VPS35L: variants seen among roughly 807,000 people sequenced by gnomAD.
VPS35L encodes VPS35 endosomal protein sorting factor like, also known as VPS35 endosomal protein-sorting factor-like.
A neutral mutation model predicts 133.0 loss-of-function variants in VPS35L; 83 were observed. That is an observed-to-expected ratio of 0.62 (90% CI 0.52 to 0.75). The LOEUF (loss-of-function observed/expected upper bound fraction) is 0.75, where lower values mean the gene tolerates loss of function less well. VPS35L is among the 30% of genes least tolerant of loss of function. The pLI is 0.00. For missense variants in VPS35L, 1,083 were observed against 1,206.8 expected, an observed-to-expected ratio of 0.90 and a Z score of 1.52; for synonymous variants, 423 against 449.9, an observed-to-expected ratio of 0.94 and a Z score of 0.76.
At position 19,635,966 on chromosome 16, in the gene VPS35L, T is replaced by C. The variant is rs528238397; in HGVS notation, c.1636-1628T>C. Among the ~76,000 whole-genome samples the C allele has an allele frequency of 2.6e-5, 4 of 152,310 alleles. No individual in the cohort carries two copies. In the East Asian group the frequency reaches 5.8e-4, roughly 22 times the overall value. On this transcript the variant is annotated intron_variant, in intron 19 of 30. Coordinates refer to ENST00000417362, the MANE Select transcript of VPS35L (RefSeq NM_020314.7). ...TGGGAAGCCAAGATGGGCGGATTGCTTGAGCCCAGGAGTTCAAGACCAGCC... is the reference window on the plus strand; with the variant it reads ...TGGGAAGCCAAGATGGGCGGATTGCCTGAGCCCAGGAGTTCAAGACCAGCC...
intron 26 of VPS35L, among the ~76,000 whole-genome samples, chr16:19,663,888 C>T (rs998581257): frequency 2.6e-5 from 4 of 151,962 alleles, no homozygotes; most frequent in Non-Finnish European, 5.9e-5. Flanking sequence ...CTGCATCTCA[C>T]CCTTTCCCGC....
At chr16:19,577,001 C>T (rs1971561492) in intron 5 of VPS35L, among the ~76,000 whole-genome samples, 1 of 152,160 alleles carries the variant, frequency 6.6e-6, no homozygotes, top group South Asian at 2.1e-4. Context: ...GCTACCACGC[C>T]CAGCTTGTTA....
intron 26 of VPS35L, among the ~76,000 whole-genome samples, chr16:19,660,924 C>G (rs537354437): frequency 6.6e-6 from 1 of 152,210 alleles, no homozygotes; most frequent in East Asian, 1.9e-4. Flanking sequence ...TCTCCCCACC[C>G]CACCCCCAAA....
chr16:19,596,572 G>A (rs1972223058), intron 8 of VPS35L, among the ~76,000 whole-genome samples: 1 of 151,918 alleles, frequency 6.6e-6, no homozygotes, highest in African/African-American at 2.4e-5. Context: ...ACTGCACCTG[G>A]CCTAAATGCA....
chr16:19,603,229 GC>G (rs1437104453), intron 9 of VPS35L, among the ~76,000 whole-genome samples: 1 of 152,082 alleles, frequency 6.6e-6, no homozygotes, highest in African/African-American at 2.4e-5. Flanking sequence ...GAAGAGTCTT[GC>G]CCAGGGCCCT....
intron 1 of VPS35L, among the ~76,000 whole-genome samples, chr16:19,562,675 A>C (rs893999644): frequency 6.6e-6 from 1 of 152,182 alleles, no homozygotes; most frequent in Non-Finnish European, 1.5e-5. Flanking sequence ...AGATCTTCAT[A>C]ATAGAGATTA....
intron 28 of VPS35L, among the ~76,000 whole-genome samples, chr16:19,683,253 A>C (rs1029782119): frequency 6.6e-6 from 1 of 152,188 alleles, no homozygotes; most frequent in East Asian, 1.9e-4. Context: ...TTTAACAAGC[A>C]CCTGAGATCA....
chr16:19,669,363 T>C, intron 27 of VPS35L, 64 bp downstream of exon 27: 2 of 1,519,218 alleles, frequency 1.3e-6, no homozygotes, highest in Non-Finnish European at 1.8e-6. Context: ...ATATTATATG[T>C]GTTCTTAGGC....
chr16:19,600,258 GAAAA>G (rs10596954), intron 8 of VPS35L, among the ~76,000 whole-genome samples: 3,754 of 145,786 alleles, frequency 0.026, 153 homozygotes, highest in African/African-American at 0.087. Context: ...AAAGGGTTAT[GAAAA>G]AAAAAAAAAA....
At chr16:19,574,150 C>T (rs1179059206) in intron 4 of VPS35L, among the ~76,000 whole-genome samples, 1 of 152,162 alleles carries the variant, frequency 6.6e-6, no homozygotes, top group East Asian at 1.9e-4. Context: ...ACAAGAGTGA[C>T]CTGTATCCCT....
intron 27 of VPS35L, among the ~76,000 whole-genome samples, chr16:19,679,403 C>A (rs952635387): frequency 2.5e-4 from 36 of 144,082 alleles, no homozygotes; most frequent in Admixed American, 2.4e-3. Flanking sequence ...CACACCACCA[C>A]ACGTGGCTAA....
At chr16:19,697,418 T>C (rs1292928627) in intron 29 of VPS35L, among the ~76,000 whole-genome samples, 1 of 152,154 alleles carries the variant, frequency 6.6e-6, no homozygotes, top group Non-Finnish European at 1.5e-5. Context: ...CACTGCAGCC[T>C]CAAACTCTTG....
At chr16:19,560,727 C>T (rs757867413) in intron 1 of VPS35L, among the ~76,000 whole-genome samples, 2 of 151,218 alleles carry the variant, frequency 1.3e-5, no homozygotes, top group African/African-American at 2.4e-5. Flanking sequence ...ATCCAGGAGG[C>T]GGAGGTTGCA....
intron 15 of VPS35L, 48 bp downstream of exon 15, chr16:19,626,271 C>A: frequency 7.0e-7 from 1 of 1,430,540 alleles, no homozygotes; most frequent in Non-Finnish European, 9.8e-7. Flanking sequence ...ATGGCGTTGG[C>A]TGCTATTTTT....
At position 19,633,908 on chromosome 16, in the gene VPS35L, A is replaced by C. The variant is rs376853862; in HGVS notation, c.1635+736A>C. On this transcript the variant is annotated intron_variant, in intron 19 of 30. Transcript: ENST00000417362. The surrounding 1 kb of genome is among the most constrained non-coding windows in gnomAD (Gnocchi z 4.1). The stretch of plus-strand genomic sequence containing the variant: ...CGCCTGGCTAATTTTTTGAATTTTT[A>C]GTAGAGTTGGGGTTTCACCGCGTTA... Among the ~76,000 whole-genome samples, 1 of 151,716 alleles carries C rather than the reference A, an allele frequency of 6.6e-6. No homozygotes were observed. Among genetic ancestry groups the C allele is most frequent in the Non-Finnish European group, 1.5e-5 (1 of 67,934 alleles).
At chr16:19,616,921 G>A in intron 14 of VPS35L, 113 bp downstream of exon 14, 1 of 1,467,982 alleles carries the variant, frequency 6.8e-7, no homozygotes, top group Non-Finnish European at 9.4e-7. Context: ...AGCAATGTTA[G>A]TGCTAGCCAG....
intron 23 of VPS35L, among the ~76,000 whole-genome samples, chr16:19,645,757 A>G (rs1331789459): frequency 6.6e-6 from 1 of 152,152 alleles, no homozygotes; most frequent in Non-Finnish European, 1.5e-5. Context: ...TCGTGGCCCC[A>G]AGCACACCTG....
chr16:19,585,432 G>C (rs545694720), intron 7 of VPS35L, among the ~76,000 whole-genome samples: 1 of 148,150 alleles, frequency 6.7e-6, no homozygotes, highest in Non-Finnish European at 1.5e-5. Flanking sequence ...TTTGAGACAG[G>C]GTCTCTGTCA....
At chr16:19,588,941 A>C (rs1486559575) in intron 7 of VPS35L, among the ~76,000 whole-genome samples, 1 of 152,186 alleles carries the variant, frequency 6.6e-6, no homozygotes, top group East Asian at 1.9e-4. Context: ...TTCTACCACC[A>C]TTTGGTATGA....
Sources: gnomAD v4.1 joint callset for allele counts (sites outside exome capture counted in the v4.1 genomes callset) on GRCh38, gnomAD v4.1.1 for gene constraint, Gnocchi (gnomAD v3.1) non-coding constraint, MANE v1.5 for transcripts, NCBI Gene and HGNC (gene_info 2026-07-23, HGNC 2026-07-21) for gene names.